Variants in NPIPB7 observed in about 807,000 individuals in gnomAD.
NPIPB7 encodes the protein nuclear pore complex interacting protein family member B7.
For synonymous variants in NPIPB7, 9 were observed against 88.1 expected (o/e 0.10, Z 5.03); for missense variants, 14 against 238.5 (o/e 0.06, Z 6.20).
intron 1 of NPIPB7, among the ~76,000 whole-genome samples, chr16:28,468,731 C>T (rs1168521389): frequency 7.9e-6 from 1 of 126,530 alleles, no homozygotes; most frequent in African/African-American, 2.6e-5. Flanking sequence ...CACTTGAACC[C>T]AGGAGGCAGA....
At chr16:28,472,335 G>C (rs530896306), upstream of NPIPB7, among the ~76,000 whole-genome samples, 166 of 151,862 alleles carry the variant, frequency 1.1e-3, 1 homozygote, top group African/African-American at 3.8e-3. Context: ...GTTACGGTGA[G>C]CTATGATCAC....
At chr16:28,462,272 T>C (rs1175053400) in intron 4 of NPIPB7, among the ~76,000 whole-genome samples, 1 of 146,776 alleles carries the variant, frequency 6.8e-6, no homozygotes, top group Non-Finnish European at 1.5e-5. Context: ...ATACAAAAAT[T>C]AGCTGGGCGT....
Position 28,469,887 on chromosome 16 carries a change from G to A in NPIPB7, c.66+486C>T, listed in dbSNP as rs200842568. On this transcript the variant is annotated intron_variant, in intron 1 of 6. Transcript: ENST00000452313. Reference sequence around the variant, plus strand: ...CTCAGGAGGCTGAGGCAGGACAATTGCTTGAACCCCGGAAGCGGAGGTTGC... The same window carrying A: ...CTCAGGAGGCTGAGGCAGGACAATTACTTGAACCCCGGAAGCGGAGGTTGC... 9.3e-3 allele frequency: 2,591 copies of A among 278,184 alleles called. 9 individuals are homozygous for A. The East Asian group carries it at 0.12, about 13-fold the overall frequency. 17.2% of individuals were successfully genotyped at this position (278,184 alleles called of 1,614,324 possible).
At chr16:28,470,212 C>T (rs1202549146) in intron 1 of NPIPB7, among the ~76,000 whole-genome samples, 161 bp downstream of exon 1, 284 of 114,306 alleles carry the variant, frequency 2.5e-3, no homozygotes, top group South Asian at 7.6e-3. Flanking sequence ...GATGGGGTTT[C>T]GCCATGATGC....
At chr16:28,463,105 G>A in intron 2 of NPIPB7, 24 bp from the exon 3 acceptor site, 2 of 242,872 alleles carry the variant, frequency 8.2e-6, no homozygotes, top group Non-Finnish European at 1.5e-5. Context: ...ATATAAGAAT[G>A]ACGGCTGGGC....
At chr16:28,468,660 A>T (rs1250068655) in intron 1 of NPIPB7, among the ~76,000 whole-genome samples, 1 of 146,060 alleles carries the variant, frequency 6.8e-6, no homozygotes, top group Admixed American at 7.1e-5. Flanking sequence ...ACAAAAAATT[A>T]GCAGGGCATG....
chr16:28,469,659 T>C lies in NPIPB7; in HGVS notation c.66+714A>G. On this transcript the variant is annotated intron_variant, in intron 1 of 6. Transcript: ENST00000452313. ...GAAAGGGGGTCGGTTTATGCTGGTG[T>C]ATGTACTTTCCAAAGTTAGTAAACT... The C allele has an allele frequency of 2.8e-5, 10 of 358,688 alleles. 1 individual carries two copies. Among genetic ancestry groups the C allele is most frequent in the South Asian group, 2.1e-4 (10 of 47,964 alleles). 22.2% of individuals were successfully genotyped at this position (358,688 alleles called of 1,614,324 possible). A position where few individuals can be genotyped will look rare whatever the true frequency, so the allele number is the denominator to read the frequency against.
At chr16:28,470,862 T>G (rs563544009), upstream of NPIPB7, among the ~76,000 whole-genome samples, 1,122 of 114,016 alleles carry the variant, frequency 9.8e-3, 5 homozygotes, top group East Asian at 0.081. Flanking sequence ...TAGGAGCAAT[T>G]AGAGGGAGAC....
Position 28,470,501 on chromosome 16 carries a change from G to A in NPIPB7, c.-63C>T, listed in dbSNP as rs550833262. ...CAGAGGTGGAGGTGGCTTAGGGCAG[G>A]GGGGAGGGAAGGGGACGGGGACCGG... On this transcript the variant is annotated 5_prime_UTR_variant, in exon 1 of 7. Transcript: ENST00000452313. The A allele has an allele frequency of 2.3e-5, 33 of 1,437,894 alleles. 1 individual carries two copies. In the South Asian group the frequency reaches 3.1e-4, roughly 13 times the overall value. The allele number at this position is 1,437,894 out of a possible 1,614,324, so 89.1% of individuals were successfully genotyped here.
At chr16:28,464,074 C>T (rs200994202) in intron 2 of NPIPB7, among the ~76,000 whole-genome samples, 16,452 of 96,128 alleles carry the variant, frequency 0.17, 9 homozygotes, top group Non-Finnish European at 0.25. Flanking sequence ...ATACTTCACA[C>T]AACTGAACTG....
At chr16:28,472,220 C>A (rs2084867809), upstream of NPIPB7, among the ~76,000 whole-genome samples, 1 of 152,136 alleles carries the variant, frequency 6.6e-6, no homozygotes, top group South Asian at 2.1e-4. Context: ...TGAGACCAGA[C>A]TGGGCAACAT....
upstream of NPIPB7, among the ~76,000 whole-genome samples, chr16:28,471,940 G>A (rs2045953254): frequency 6.6e-6 from 1 of 152,158 alleles, no homozygotes; most frequent in South Asian, 2.1e-4. Flanking sequence ...TGAGGCAGGA[G>A]AATCACTTGA....
chr16:28,463,583 AG>A (rs2045885503), intron 2 of NPIPB7, among the ~76,000 whole-genome samples: 1 of 145,596 alleles, frequency 6.9e-6, no homozygotes. Context: ...AAAATTAGCC[AG>A]GCATGGTGGT....
chr16:28,462,498 T>G (rs2045878375), intron 4 of NPIPB7, among the ~76,000 whole-genome samples, 176 bp downstream of exon 4: 1 of 140,058 alleles, frequency 7.1e-6, no homozygotes, highest in South Asian at 2.3e-4. Flanking sequence ...AACAAGAATG[T>G]AGGAAGGGAA....
upstream of NPIPB7, among the ~76,000 whole-genome samples, chr16:28,471,948 T>G (rs1223214342): frequency 1.3e-5 from 2 of 152,126 alleles, no homozygotes; most frequent in Non-Finnish European, 2.9e-5. Flanking sequence ...GAGAATCACT[T>G]GAACCTGGAA....
chr16:28,470,586 A>G (rs1223816122), upstream of NPIPB7: 31 of 42,324 alleles, frequency 7.3e-4, no homozygotes, highest in South Asian at 2.6e-3. Flanking sequence ...GGGGAGGGGA[A>G]GGGGAGGGGG....
chr16:28,469,215 T>A (rs1457047625), intron 1 of NPIPB7, among the ~76,000 whole-genome samples: 2 of 124,590 alleles, frequency 1.6e-5, no homozygotes, highest in Non-Finnish European at 3.8e-5. Flanking sequence ...CGCATCTGTA[T>A]ACGCGAAATT....
chr16:28,464,055 G>T (rs2141680897), intron 2 of NPIPB7, among the ~76,000 whole-genome samples: 1 of 100,606 alleles, frequency 9.9e-6, no homozygotes, highest in Non-Finnish European at 2.1e-5. Flanking sequence ...AAAAAAAAAT[G>T]ACATGAATAT....
At chr16:28,465,486 G>C (rs2045901132) in intron 2 of NPIPB7, among the ~76,000 whole-genome samples, 2 of 142,192 alleles carry the variant, frequency 1.4e-5, no homozygotes, top group East Asian at 2.0e-4. Flanking sequence ...CTCGTCTCGG[G>C]GGTGAGAAAA....
Sources: gnomAD v4.1 joint callset for allele counts (sites outside exome capture counted in the v4.1 genomes callset) on GRCh38, gnomAD v4.1.1 for gene constraint, MANE v1.5 for transcripts, NCBI Gene and HGNC (gene_info 2026-07-23, HGNC 2026-07-21) for gene names.